The following GRM7 variants were observed in gnomAD, a reference collection of about 807,000 sequenced individuals.
The protein encoded by GRM7 is glutamate metabotropic receptor 7.
A neutral mutation model predicts 84.5 loss-of-function variants in GRM7; 35 were observed. That is an observed-to-expected ratio of 0.41 (90% CI 0.32 to 0.55). The LOEUF is 0.55. GRM7 is among the 20% of genes least tolerant of loss of function. The pLI, the probability that GRM7 is intolerant of heterozygous loss-of-function variation, is 0.19. For missense variants in GRM7, 1,003 were observed against 1,194.6 expected, an observed-to-expected ratio of 0.84 and a Z score of 2.36; for synonymous variants, 487 against 455.1, an observed-to-expected ratio of 1.07 and a Z score of -0.89.
intron 1 of GRM7, among the ~76,000 whole-genome samples, chr3:6,874,119 A>G (rs746874067): frequency 2.6e-5 from 4 of 152,322 alleles, no homozygotes; most frequent in Non-Finnish European, 5.9e-5. Flanking sequence ...AAATAATAAT[A>G]TTAGGATGTA....
chr3:7,113,843 C>A (rs1036283187), intron 1 of GRM7, among the ~76,000 whole-genome samples: 5 of 152,072 alleles, frequency 3.3e-5, no homozygotes, highest in African/African-American at 1.2e-4. Flanking sequence ...TAGCAATTGT[C>A]ATTTGAGTAT....
Position 7,585,905 on chromosome 3 carries a change from A to G in GRM7, c.2451+6548A>G, listed in dbSNP as rs3804891. 2.3e-4 allele frequency among the ~76,000 whole-genome samples: 35 copies of G among 152,224 alleles called. No homozygotes were observed. In the East Asian group the frequency reaches 6.6e-3, roughly 29 times the overall value. On this transcript the variant is annotated intron_variant, in intron 8 of 9. Coordinates refer to ENST00000357716, the MANE Select transcript of GRM7 (RefSeq NM_000844.4). ...TGCCAAATTCTCGGCTCCATAGACT[A>G]TAGGTCACAATACTGGCCCAATTGT...
At chr3:7,666,651 T>C (rs2030149) in intron 8 of GRM7, among the ~76,000 whole-genome samples, 3,149 of 152,254 alleles carry the variant, frequency 0.021, 111 homozygotes, top group African/African-American at 0.072. Context: ...TCTTTGTGCT[T>C]TAGGTGTTAT....
intron 7 of GRM7, among the ~76,000 whole-genome samples, chr3:7,505,310 G>A (rs1119405): frequency 0.69 from 104,541 of 152,120 alleles, 36,402 homozygotes; most frequent in East Asian, 0.8. Flanking sequence ...GCCTGCAGTT[G>A]TCACAGGTTG....
intron 1 of GRM7, among the ~76,000 whole-genome samples, chr3:7,054,384 G>GAT (rs1292086370): frequency 2.0e-5 from 3 of 149,128 alleles, no homozygotes; most frequent in African/African-American, 7.4e-5. Flanking sequence ...TATCTTTTAT[G>GAT]ATATATATAT....
chr3:7,516,453 G>C (rs1700387611), intron 7 of GRM7, among the ~76,000 whole-genome samples: 1 of 134,638 alleles, frequency 7.4e-6, no homozygotes, highest in Admixed American at 7.8e-5. Context: ...CTCCAGCCTG[G>C]GCGGCAGAGC....
intron 1 of GRM7, among the ~76,000 whole-genome samples, chr3:7,130,973 G>A (rs188185864): frequency 1.2e-4 from 18 of 152,166 alleles, no homozygotes; most frequent in Admixed American, 2.0e-4. Context: ...ACACACGTGC[G>A]CAAGGAATTA....
At chr3:7,350,727 G>C (rs893729896) in intron 4 of GRM7, among the ~76,000 whole-genome samples, 3 of 152,024 alleles carry the variant, frequency 2.0e-5, no homozygotes, top group Non-Finnish European at 4.4e-5. Context: ...TCCTTTTAGT[G>C]AAACTTGGTA....
At chr3:7,654,991 ACT>A (rs1466188970) in intron 8 of GRM7, among the ~76,000 whole-genome samples, 1 of 151,626 alleles carries the variant, frequency 6.6e-6, no homozygotes, top group Admixed American at 6.6e-5. Context: ...TTACATGAGG[ACT>A]CTCTTAACGG....
chr3:7,632,629 G>A (rs944958405), intron 8 of GRM7, among the ~76,000 whole-genome samples: 1 of 152,164 alleles, frequency 6.6e-6, no homozygotes, highest in African/African-American at 2.4e-5. Context: ...AGATAATTGA[G>A]TGAAGCCTTA....
chr3:7,146,836 T>G (rs940114671), intron 2 of GRM7, among the ~76,000 whole-genome samples, 168 bp downstream of exon 2: 9 of 152,086 alleles, frequency 5.9e-5, no homozygotes, highest in African/African-American at 2.2e-4. Flanking sequence ...TTTGGAGAGA[T>G]TTTTGAAGTT....
At chr3:7,097,915 G>A (rs1404659057) in intron 1 of GRM7, among the ~76,000 whole-genome samples, 2 of 152,044 alleles carry the variant, frequency 1.3e-5, no homozygotes, top group African/African-American at 4.8e-5. Flanking sequence ...GGAATCCACT[G>A]AATCTCGTTG....
intron 7 of GRM7, among the ~76,000 whole-genome samples, chr3:7,482,327 C>A (rs2124938880): frequency 6.6e-6 from 1 of 152,308 alleles, no homozygotes; most frequent in African/African-American, 2.4e-5. Context: ...GACAAAGAAT[C>A]TGCCACTTGA....
At chr3:7,243,269 T>C (rs970167844) in intron 2 of GRM7, among the ~76,000 whole-genome samples, 1 of 152,104 alleles carries the variant, frequency 6.6e-6, no homozygotes, top group African/African-American at 2.4e-5. Flanking sequence ...CCAATCTCTA[T>C]TGGCTTAAGG....
At chr3:7,675,898 C>T (rs1034074108) in intron 8 of GRM7, among the ~76,000 whole-genome samples, 6 of 152,064 alleles carry the variant, frequency 3.9e-5, no homozygotes, top group South Asian at 2.1e-4. Context: ...GTTACTTCTT[C>T]GTAATGACCA....
At chr3:6,869,799 C>T (rs920355515) in intron 1 of GRM7, among the ~76,000 whole-genome samples, 1 of 152,186 alleles carries the variant, frequency 6.6e-6, no homozygotes, top group Non-Finnish European at 1.5e-5. Context: ...AGGCTAAGAG[C>T]AGTGGAAGTC....
At chr3:6,919,868 T>C (rs1559328942) in intron 1 of GRM7, among the ~76,000 whole-genome samples, 1 of 152,196 alleles carries the variant, frequency 6.6e-6, no homozygotes, top group Non-Finnish European at 1.5e-5. Context: ...TACAGGAATG[T>C]GCCTGTTCCA....
chr3:6,867,516 G>C (rs1426075669), intron 1 of GRM7, among the ~76,000 whole-genome samples: 1 of 152,084 alleles, frequency 6.6e-6, no homozygotes, highest in Non-Finnish European at 1.5e-5. Flanking sequence ...CAAATCTTTT[G>C]TTGATATCCC....
chr3:7,103,391 T>C (rs570810906), intron 1 of GRM7, among the ~76,000 whole-genome samples: 80 of 151,952 alleles, frequency 5.3e-4, no homozygotes, highest in Non-Finnish European at 8.3e-4. Flanking sequence ...GGGCAGAAGC[T>C]GAAATCTCTG....
Sources: gnomAD v4.1 joint callset for allele counts (sites outside exome capture counted in the v4.1 genomes callset) on GRCh38, gnomAD v4.1.1 for gene constraint, MANE v1.5 for transcripts, NCBI Gene and HGNC (gene_info 2026-07-23, HGNC 2026-07-21) for gene names.